FAM135B: variants seen among roughly 807,000 people sequenced by gnomAD.
FAM135B encodes family with sequence similarity 135 member B, also known as protein FAM135B.
Under a neutral mutation model 127.7 loss-of-function variants are expected in FAM135B, and 43 were observed. The observed-to-expected ratio is 0.34, with a 90% confidence interval of 0.26 to 0.43. The LOEUF is 0.43. Among genes scored for constraint, FAM135B ranks in the 20% least tolerant of loss-of-function variants. FAM135B has a pLI of 1.00. For missense variants in FAM135B, 1,558 were observed against 1,725.6 expected, an observed-to-expected ratio of 0.90 and a Z score of 1.72; for synonymous variants, 670 against 665.1, an observed-to-expected ratio of 1.01 and a Z score of -0.11.
At chr8:138,315,437 A>G (rs929662109) in intron 2 of FAM135B, among the ~76,000 whole-genome samples, 2 of 152,158 alleles carry the variant, frequency 1.3e-5, no homozygotes, top group African/African-American at 4.8e-5. Context: ...TAAAAATAAA[A>G]TTGCCATATG....
In FAM135B at chr8:138,243,184, T is replaced by C. The variant is rs751507129; in HGVS notation, c.543-116A>G. On this transcript the variant is annotated intron_variant, in intron 6 of 19. Coordinates refer to ENST00000395297, the MANE Select transcript of FAM135B (RefSeq NM_015912.4). The surrounding 1 kb of genome is among the most constrained non-coding windows in gnomAD (Gnocchi z 7.5). ...GCATTTGGGATAAGTCATTTAGGAG[T>C]AGTTCACCCCCTAGGGAGTGTTTGC... is the stretch of plus-strand genomic sequence containing the variant. The C allele has an allele frequency of 5.7e-4, 703 of 1,238,048 alleles. 8 individuals carry two copies. Among genetic ancestry groups the C allele is most frequent in the Admixed American group, 5.5e-4 (20 of 36,294 alleles). The allele number at this position is 1,238,048 out of a possible 1,614,324, so 76.7% of individuals were successfully genotyped here.
At chr8:138,349,359 G>C (rs1316050990) in intron 2 of FAM135B, among the ~76,000 whole-genome samples, 2 of 152,174 alleles carry the variant, frequency 1.3e-5, no homozygotes, top group African/African-American at 4.8e-5. Context: ...CCTTCACAGA[G>C]TACCCTGCAT....
intron 5 of FAM135B, among the ~76,000 whole-genome samples, chr8:138,252,608 T>G (rs1392426743): frequency 6.6e-6 from 1 of 152,224 alleles, no homozygotes; most frequent in Non-Finnish European, 1.5e-5. Context: ...GAGCTAAAAC[T>G]TAGGTCCTGG....
intron 3 of FAM135B, among the ~76,000 whole-genome samples, chr8:138,268,845 G>A (rs938982661): frequency 3.9e-5 from 6 of 152,226 alleles, no homozygotes; most frequent in African/African-American, 1.4e-4. Context: ...GGGGTCCAAT[G>A]AGAAGGTGTA....
intron 1 of FAM135B, among the ~76,000 whole-genome samples, chr8:138,396,518 G>A (rs1832861790): frequency 6.6e-6 from 1 of 152,134 alleles, no homozygotes; most frequent in Non-Finnish European, 1.5e-5. Flanking sequence ...TGGCATCTGT[G>A]AGCGAATGCC....
At chr8:138,192,876 A>G (rs111937838) in intron 9 of FAM135B, among the ~76,000 whole-genome samples, 3 of 152,308 alleles carry the variant, frequency 2.0e-5, no homozygotes, top group African/African-American at 7.2e-5. Flanking sequence ...AAATGAACCC[A>G]TTGGGTGGTT....
chr8:138,326,752 A>C (rs1554666064), intron 2 of FAM135B, among the ~76,000 whole-genome samples: 1 of 152,196 alleles, frequency 6.6e-6, no homozygotes, highest in Non-Finnish European at 1.5e-5. Context: ...CTAATGGTGC[A>C]TGACTCCAAA....
At chr8:138,370,451 T>C (rs529046973) in intron 1 of FAM135B, among the ~76,000 whole-genome samples, 2 of 151,946 alleles carry the variant, frequency 1.3e-5, no homozygotes, top group African/African-American at 4.8e-5. Flanking sequence ...GGTTTTTGTT[T>C]GTTTGTTTGT....
At chr8:138,225,263 G>A (rs576192867) in intron 7 of FAM135B, among the ~76,000 whole-genome samples, 1 of 152,016 alleles carries the variant, frequency 6.6e-6, no homozygotes, top group African/African-American at 2.4e-5. Flanking sequence ...AAATTAGATT[G>A]AAGAACAACA....
chr8:138,421,121 C>A (rs1425960804), intron 1 of FAM135B, among the ~76,000 whole-genome samples: 1 of 152,140 alleles, frequency 6.6e-6, no homozygotes, highest in Non-Finnish European at 1.5e-5. Flanking sequence ...ACCATCCTGG[C>A]TAACACGGTG....
intron 9 of FAM135B, among the ~76,000 whole-genome samples, chr8:138,186,972 A>C (rs950453526): frequency 5.9e-5 from 9 of 152,216 alleles, no homozygotes; most frequent in Admixed American, 5.2e-4. Context: ...CATTTAAAGC[A>C]AAATGACTGG....
At chr8:138,334,999 A>G (rs1404479756) in intron 2 of FAM135B, among the ~76,000 whole-genome samples, 1 of 152,194 alleles carries the variant, frequency 6.6e-6, no homozygotes, top group Non-Finnish European at 1.5e-5. Context: ...CATGCAGAAG[A>G]AAAGTCTACA....
intron 4 of FAM135B, among the ~76,000 whole-genome samples, chr8:138,258,317 T>G (rs1003005570): frequency 6.6e-6 from 1 of 152,220 alleles, no homozygotes; most frequent in Non-Finnish European, 1.5e-5. Flanking sequence ...GCATAATTCA[T>G]GGAGAGATAT....
chr8:138,462,607 C>T (rs1375117417), intron 1 of FAM135B, among the ~76,000 whole-genome samples: 2 of 152,090 alleles, frequency 1.3e-5, no homozygotes, highest in Non-Finnish European at 2.9e-5. Context: ...AGGCTCAGGA[C>T]CCCAACTCAT....
chr8:138,226,878 G>A (rs1477697316), intron 7 of FAM135B, among the ~76,000 whole-genome samples: 3 of 150,716 alleles, frequency 2.0e-5, no homozygotes, highest in Admixed American at 2.0e-4. Context: ...TATATTTTTA[G>A]TAGAGATGAG....
intron 12 of FAM135B, among the ~76,000 whole-genome samples, chr8:138,157,145 T>G (rs546921478): frequency 6.6e-6 from 1 of 152,254 alleles, no homozygotes; most frequent in South Asian, 2.1e-4. Context: ...GTTCAACATA[T>G]GCAAATCAAT....
intron 1 of FAM135B, among the ~76,000 whole-genome samples, chr8:138,418,529 A>T (rs1346537996): frequency 6.6e-6 from 1 of 152,084 alleles, no homozygotes; most frequent in Non-Finnish European, 1.5e-5. Flanking sequence ...GAAAAAAAAA[A>T]GTAAAGGCAG....
At chr8:138,370,816 C>G (rs1160066002) in intron 1 of FAM135B, among the ~76,000 whole-genome samples, 1 of 152,164 alleles carries the variant, frequency 6.6e-6, no homozygotes, top group Admixed American at 6.5e-5. Flanking sequence ...ACTTTGTGGT[C>G]AGAAATCTAG....
intron 12 of FAM135B, among the ~76,000 whole-genome samples, chr8:138,166,636 C>A (rs1819952074): frequency 6.6e-6 from 1 of 152,092 alleles, no homozygotes; most frequent in African/African-American, 2.4e-5. Context: ...TTTCTGATCC[C>A]CAAAACATCA....
Sources: gnomAD v4.1 joint callset for allele counts (sites outside exome capture counted in the v4.1 genomes callset) on GRCh38, gnomAD v4.1.1 for gene constraint, Gnocchi (gnomAD v3.1) non-coding constraint, MANE v1.5 for transcripts, NCBI Gene and HGNC (gene_info 2026-07-23, HGNC 2026-07-21) for gene names.